UST: variants seen among roughly 807,000 people sequenced by gnomAD.
UST encodes the protein uronyl 2-sulfotransferase, also known as chondroitin sulfate 2-O-sulfotransferase.
Under a neutral mutation model 45.6 loss-of-function variants are expected in UST, and 21 were observed. The observed-to-expected ratio is 0.46, with a 90% CI of 0.33 to 0.66. The LOEUF (loss-of-function observed/expected upper bound fraction) is 0.66, where lower values mean the gene tolerates loss of function less well. Ranked by LOEUF, UST falls within the 30% of genes least tolerant of loss-of-function variation. UST has a pLI of 0.02. For synonymous variants in UST, 215 were observed against 200.6 expected, an observed-to-expected ratio of 1.07 and a Z score of -0.61; for missense variants, 463 against 512.4, an observed-to-expected ratio of 0.90 and a Z score of 0.93.
intron 3 of UST, among the ~76,000 whole-genome samples, chr6:148,945,654 C>T (rs980634502): frequency 3.3e-5 from 5 of 152,200 alleles, no homozygotes; most frequent in African/African-American, 1.2e-4. Context: ...CCGAATGAAT[C>T]AATTCACGAT....
chr6:148,898,476 A>G (rs887424545), intron 2 of UST, among the ~76,000 whole-genome samples: 2 of 152,162 alleles, frequency 1.3e-5, no homozygotes, highest in Non-Finnish European at 2.9e-5. Context: ...CTTCGCGCTC[A>G]TCACATTTCT....
intron 1 of UST, among the ~76,000 whole-genome samples, chr6:148,832,380 A>G (rs140946927): frequency 5.7e-4 from 87 of 152,340 alleles, no homozygotes; most frequent in African/African-American, 2.0e-3. Flanking sequence ...TGGTGTGCAT[A>G]TTAATTTTTT....
chr6:148,862,408 G>A (rs1778337202), intron 1 of UST, among the ~76,000 whole-genome samples: 1 of 152,184 alleles, frequency 6.6e-6, no homozygotes, highest in African/African-American at 2.4e-5. Context: ...CATGAGATGG[G>A]TCTCCTGAAT....
chr6:148,944,839 G>C (rs1780203288), intron 3 of UST, among the ~76,000 whole-genome samples: 1 of 152,100 alleles, frequency 6.6e-6, no homozygotes, highest in Non-Finnish European at 1.5e-5. Context: ...TCTTAAGCTG[G>C]CTTAAATTAT....
At chr6:148,797,014 G>A (rs181070740) in intron 1 of UST, among the ~76,000 whole-genome samples, 179 of 152,038 alleles carry the variant, frequency 1.2e-3, no homozygotes, top group African/African-American at 4.1e-3. Flanking sequence ...TCTTGGCTGG[G>A]CTGGTCTCCT....
At chr6:148,846,704 C>T (rs1777998728) in intron 1 of UST, among the ~76,000 whole-genome samples, 1 of 152,232 alleles carries the variant, frequency 6.6e-6, no homozygotes, top group Non-Finnish European at 1.5e-5. Flanking sequence ...TTTCTGCATC[C>T]ACCATGCTTA....
chr6:148,835,146 A>G (rs1433654476), intron 1 of UST, among the ~76,000 whole-genome samples: 4 of 152,154 alleles, frequency 2.6e-5, no homozygotes, highest in Non-Finnish European at 1.5e-5. Flanking sequence ...ACAATAAAAA[A>G]TAATAATATA....
At chr6:148,924,412 C>G (rs890265851) in intron 2 of UST, among the ~76,000 whole-genome samples, 7 of 152,128 alleles carry the variant, frequency 4.6e-5, no homozygotes, top group Admixed American at 1.3e-4. Flanking sequence ...AGCAGCTTCT[C>G]CATCACTGCA....
intron 7 of UST, among the ~76,000 whole-genome samples, chr6:149,066,596 T>A (rs919476758): frequency 6.6e-6 from 1 of 152,060 alleles, no homozygotes; most frequent in Non-Finnish European, 1.5e-5. Flanking sequence ...CTGACCCTCA[T>A]GTTTAGACGG....
At chr6:148,778,024 T>G (rs377496562) in intron 1 of UST, among the ~76,000 whole-genome samples, 4 of 152,310 alleles carry the variant, frequency 2.6e-5, no homozygotes, top group South Asian at 4.1e-4. Context: ...CACGCTTTGG[T>G]GTTTGTACAA....
rs1781626841 is a variant in UST at position 149,005,400 on chromosome 6, A to G, written c.682-13739A>G. Reference sequence around the variant, plus strand: ...GAATTCGGGATCTGACAGGAAGTTCAAGGTGACCTCTGGGAGCCTTCTGAG... The same window carrying G: ...GAATTCGGGATCTGACAGGAAGTTCGAGGTGACCTCTGGGAGCCTTCTGAG... On this transcript the variant is annotated intron_variant, in intron 5 of 7. Transcript: ENST00000367463. 9.1e-6 allele frequency: 9 copies of G among 985,384 alleles called. No homozygotes were observed. The South Asian group carries it at 2.3e-4, about 26-fold the overall frequency. 61.0% of individuals were successfully genotyped at this position (985,384 alleles called of 1,614,324 possible). A position where few individuals can be genotyped will look rare whatever the true frequency, so the allele number is the denominator to read the frequency against.
intron 1 of UST, among the ~76,000 whole-genome samples, chr6:148,817,115 C>G (rs141372052): frequency 6.6e-6 from 1 of 152,224 alleles, no homozygotes; most frequent in East Asian, 1.9e-4. Context: ...GGCACGTGGC[C>G]TACTCTTTCA....
chr6:148,941,260 C>G lies in UST; in HGVS notation c.292-19C>G. The G allele has an allele frequency of 1.2e-6, 2 of 1,612,114 alleles. No individual in the cohort carries two copies. Among genetic ancestry groups the G allele is most frequent in the Non-Finnish European group, 8.5e-7 (1 of 1,179,444 alleles). On this transcript the variant is annotated intron_variant, in intron 2 of 7. Coordinates refer to ENST00000367463, the MANE Select transcript of UST (RefSeq NM_005715.3). ...TCCATACAGACGTTTCATGTTTGTT[C>G]TCTTGGTTTTTTTCCCAGGTACTAC...
intron 5 of UST, among the ~76,000 whole-genome samples, chr6:148,993,956 C>CTTTTTTTTTTTTTTTTTTTTTTTTTT (rs57552256): frequency 1.0e-5 from 1 of 95,366 alleles, no homozygotes; most frequent in Non-Finnish European, 1.9e-5. Context: ...TATTTCTTTC[C>CTTTTTTTTTTTTTTTTTTTTTTTTTT]TTTTTTTTTT....
intron 5 of UST, among the ~76,000 whole-genome samples, chr6:148,985,408 C>T (rs1163856948): frequency 6.8e-6 from 1 of 146,096 alleles, no homozygotes; most frequent in Non-Finnish European, 1.5e-5. Flanking sequence ...ACAACAACAA[C>T]AAAAACTGAA....
intron 1 of UST, among the ~76,000 whole-genome samples, chr6:148,804,741 A>T (rs1173208426): frequency 6.6e-6 from 1 of 151,848 alleles, no homozygotes; most frequent in Non-Finnish European, 1.5e-5. Flanking sequence ...CAGATTCATA[A>T]AATCAATATT....
At chr6:148,851,483 G>A (rs1025984341) in intron 1 of UST, among the ~76,000 whole-genome samples, 3 of 152,110 alleles carry the variant, frequency 2.0e-5, no homozygotes, top group African/African-American at 7.2e-5. Context: ...GGGACCATTA[G>A]CATTTTAAAT....
chr6:149,059,172 G>A (rs1244373347), intron 7 of UST, among the ~76,000 whole-genome samples: 1 of 152,142 alleles, frequency 6.6e-6, no homozygotes, highest in Non-Finnish European at 1.5e-5. Context: ...CTCAGCGTGT[G>A]TGTCTGGGCC....
chr6:148,774,168 C>T (rs1167039815), intron 1 of UST, among the ~76,000 whole-genome samples: 5 of 152,006 alleles, frequency 3.3e-5, no homozygotes, highest in African/African-American at 1.2e-4. Flanking sequence ...AGGTAGATCA[C>T]CAACAGATCA....
Sources: allele counts gnomAD v4.1 joint callset (sites outside exome capture counted in the v4.1 genomes callset), GRCh38; gene constraint gnomAD v4.1.1; transcripts MANE v1.5; gene names NCBI Gene and HGNC (gene_info 2026-07-23, HGNC 2026-07-21).